Variants in LMCD1 observed in about 807,000 individuals in gnomAD.
The protein encoded by LMCD1 is LIM and cysteine-rich domains protein 1.
Under a neutral mutation model 42.7 loss-of-function variants are expected in LMCD1, and 32 were observed. The observed-to-expected ratio is 0.75, with a 90% CI of 0.57 to 1.01. The LOEUF (loss-of-function observed/expected upper bound fraction) is 1.01. Ranked by LOEUF, LMCD1 falls within the 50% of genes least tolerant of loss-of-function variation. The pLI, the probability that LMCD1 is intolerant of heterozygous loss-of-function variation, is 0.00. For synonymous variants in LMCD1, 178 were observed against 184.9 expected, an observed-to-expected ratio of 0.96 and a Z score of 0.30; for missense variants, 458 against 483.1, an observed-to-expected ratio of 0.95 and a Z score of 0.49.
At chr3:8,560,451 T>C (rs1422353925) in intron 4 of LMCD1, among the ~76,000 whole-genome samples, 2 of 152,004 alleles carry the variant, frequency 1.3e-5, no homozygotes, top group Non-Finnish European at 2.9e-5. Flanking sequence ...TCTATCCCTC[T>C]CCCTTTCCCT....
intron 4 of LMCD1, among the ~76,000 whole-genome samples, chr3:8,552,860 A>G (rs1694865892): frequency 1.3e-5 from 2 of 152,166 alleles, no homozygotes; most frequent in African/African-American, 4.8e-5. Flanking sequence ...AGTAGCTGGG[A>G]CTACAGGCAC....
At position 8,547,894 on chromosome 3, in the gene LMCD1, A is replaced by G. The variant is rs139127864; in HGVS notation, c.388-674A>G. ...GAGCGAGACTCCATCTCAAAAAAAA[A>G]AGAAAAGAATGCACTTACACAAACC... On this transcript the variant is annotated intron_variant, in intron 3 of 5. Transcript: ENST00000157600. Among the ~76,000 whole-genome samples, 570 of 151,970 alleles carry G rather than the reference A, an allele frequency of 3.8e-3. 1 individual carries two copies. The highest frequency in any genetic ancestry group is 0.017 in the Middle Eastern group (5 of 294).
chr3:8,523,411 A>G (rs924819166), intron 1 of LMCD1, among the ~76,000 whole-genome samples: 2 of 152,216 alleles, frequency 1.3e-5, no homozygotes, highest in Non-Finnish European at 2.9e-5. Context: ...CATCTGTCAT[A>G]TGACCCCAAT....
intron 2 of LMCD1, among the ~76,000 whole-genome samples, chr3:8,535,506 C>T (rs1423474400): frequency 6.6e-6 from 1 of 152,134 alleles, no homozygotes; most frequent in Non-Finnish European, 1.5e-5. Context: ...TCATGCTGCA[C>T]ATCACCGTAT....
intron 1 of LMCD1, among the ~76,000 whole-genome samples, chr3:8,524,889 T>C (rs946088506): frequency 2.0e-5 from 3 of 152,068 alleles, no homozygotes; most frequent in Non-Finnish European, 4.4e-5. Flanking sequence ...GTCACTATGT[T>C]GCCCAGACTG....
chr3:8,502,708 G>C (rs1405397492), intron 1 of LMCD1, among the ~76,000 whole-genome samples: 2 of 151,754 alleles, frequency 1.3e-5, no homozygotes, highest in Non-Finnish European at 2.9e-5. Context: ...CTTACAAGAA[G>C]GGCTGGCCCG....
rs1695228677 is a variant in LMCD1 at position 8,572,066 on chromosome 3, TA to T, written c.*4469del. On this transcript the variant is annotated 3_prime_UTR_variant, in exon 6 of 6. Coordinates refer to ENST00000157600, the MANE Select transcript of LMCD1 (RefSeq NM_014583.4). ...ACATTCAGTCTAAGATCACTCATTC[TA>T]TTTAGTTATCTTGTCTATTCTTCAA... 6.6e-6 allele frequency: 1 copy of T among 152,258 alleles called. No homozygotes were observed. Among genetic ancestry groups the T allele is most frequent in the Non-Finnish European group, 1.5e-5 (1 of 68,038 alleles). 9.4% of individuals were successfully genotyped at this position (152,258 alleles called of 1,614,324 possible).
In LMCD1 at chr3:8,574,334, C is replaced by T. The variant is rs1294086473; in HGVS notation, c.*6736C>T. ...AGGGGGAGGGATTAGAAAAGACAGC[C>T]ACACCCAAATCTCATGAAGCAGTCC... On this transcript the variant is annotated 3_prime_UTR_variant, in exon 6 of 6. Transcript: ENST00000157600. The T allele has an allele frequency of 6.6e-6, 1 of 152,276 alleles. No homozygotes were observed. Among genetic ancestry groups the T allele is most frequent in the Non-Finnish European group, 1.5e-5 (1 of 68,112 alleles). 9.4% of individuals were successfully genotyped at this position (152,276 alleles called of 1,614,324 possible).
chr3:8,501,858 A>T lies in LMCD1; in HGVS notation c.-81A>T, dbSNP rs1693729200. The T allele has an allele frequency of 7.3e-7, 1 of 1,370,840 alleles. No individual in the cohort carries two copies. The highest frequency in any genetic ancestry group is 1.3e-5 in the South Asian group (1 of 78,068). The allele number at this position is 1,370,840 out of a possible 1,614,324, so 84.9% of individuals were successfully genotyped here. On this transcript the variant is annotated 5_prime_UTR_variant, in exon 1 of 6. Coordinates refer to ENST00000157600, the MANE Select transcript of LMCD1 (RefSeq NM_014583.4). ...CCCTCCCAGGCCCGCGAACTTGGCC[A>T]TTCAGCCGCCGCTGTCCCCGCTGCG...
chr3:8,535,442 C>A (rs1366177505), intron 2 of LMCD1, among the ~76,000 whole-genome samples: 2 of 152,186 alleles, frequency 1.3e-5, no homozygotes, highest in African/African-American at 4.8e-5. Flanking sequence ...TCTCAAATTG[C>A]AGCCCACTGA....
In LMCD1 at chr3:8,512,964, G is replaced by A. The variant is rs576204798; in HGVS notation, c.42+10984G>A. On this transcript the variant is annotated intron_variant, in intron 1 of 5. Transcript: ENST00000157600. ...GAAAGACTTTTAAAAACTGTGTTGT[G>A]TAGAATCACTTCCCCATAAACACAA... Among the ~76,000 whole-genome samples the A allele has an allele frequency of 1.4e-3, 209 of 152,290 alleles. 4 individuals are homozygous for A. Among genetic ancestry groups the A allele is most frequent in the Middle Eastern group, 6.8e-3 (2 of 294 alleles).
rs1051851115 is a variant in LMCD1, at chr3:8,567,952, C to G, written c.*354C>G. On this transcript the variant is annotated 3_prime_UTR_variant, in exon 6 of 6. Transcript: ENST00000157600. ...AGAATGCAATTCCGAGTGAGCAAAT[C>G]GCATAGCTGTAGAATGTGCGTGCTT... 6.0e-6 allele frequency: 1 copy of G among 166,950 alleles called. No homozygotes were observed. Among genetic ancestry groups the G allele is most frequent in the East Asian group, 1.6e-4 (1 of 6,066 alleles). 10.3% of individuals were successfully genotyped at this position (166,950 alleles called of 1,614,324 possible).
chr3:8,550,471 C>T (rs763403350), intron 4 of LMCD1: 15 of 985,296 alleles, frequency 1.5e-5, no homozygotes, highest in Non-Finnish European at 1.8e-5. Context: ...ACTCTTTCTC[C>T]CTTGTAGTCA....
In LMCD1 at chr3:8,548,918, T is replaced by C. The variant is rs770904114; in HGVS notation, c.723+15T>C. 6.7e-7 allele frequency: 1 copy of C among 1,490,510 alleles called. No homozygotes were observed. The highest frequency in any genetic ancestry group is 9.0e-7 in the Non-Finnish European group (1 of 1,116,700). The allele number at this position is 1,490,510 out of a possible 1,614,324, so 92.3% of individuals were successfully genotyped here. A position where few individuals can be genotyped will look rare whatever the true frequency, so the allele number is the denominator to read the frequency against. ...AAGTGGAATACGTAAGTTTCTCCCA[T>C]GCTTCCAGCCAGGCTGAAACCATGC... On this transcript the variant is annotated intron_variant, in intron 4 of 5. Coordinates refer to ENST00000157600, the MANE Select transcript of LMCD1 (RefSeq NM_014583.4).
intron 1 of LMCD1, among the ~76,000 whole-genome samples, chr3:8,518,543 T>G (rs1319786787): frequency 6.6e-6 from 1 of 152,170 alleles, no homozygotes; most frequent in East Asian, 1.9e-4. Flanking sequence ...TTTCCAAGTC[T>G]CCTTGCCTTG....
At chr3:8,549,100 A>C (rs1456629931) in intron 4 of LMCD1, among the ~76,000 whole-genome samples, 197 bp downstream of exon 4, 1 of 152,208 alleles carries the variant, frequency 6.6e-6, no homozygotes, top group Non-Finnish European at 1.5e-5. Flanking sequence ...CTGCCCTTGA[A>C]AGGCTCATAG....
intron 1 of LMCD1, among the ~76,000 whole-genome samples, chr3:8,525,241 T>G (rs1387176312): frequency 6.6e-6 from 1 of 152,214 alleles, no homozygotes; most frequent in Non-Finnish European, 1.5e-5. Flanking sequence ...CTTCTGTGTT[T>G]CTATGAGTTT....
intron 1 of LMCD1, among the ~76,000 whole-genome samples, chr3:8,504,226 C>G (rs550152075): frequency 6.6e-6 from 1 of 152,290 alleles, no homozygotes; most frequent in Admixed American, 6.5e-5. Context: ...AGAAGCTCCC[C>G]TTGCTGAACT....
chr3:8,539,350 G>A (rs186737007), intron 3 of LMCD1, among the ~76,000 whole-genome samples: 7 of 152,270 alleles, frequency 4.6e-5, no homozygotes, highest in South Asian at 2.1e-4. Context: ...CTGTAAGGCC[G>A]AGTTGTTTTA....
Sources: allele counts gnomAD v4.1 joint callset (sites outside exome capture counted in the v4.1 genomes callset), GRCh38; gene constraint gnomAD v4.1.1; transcripts MANE v1.5; gene names NCBI Gene and HGNC (gene_info 2026-07-23, HGNC 2026-07-21).